The following OXA1L variants were observed in gnomAD, a reference collection of about 807,000 sequenced individuals.
OXA1L encodes the protein mitochondrial inner membrane protein OXA1L.
Under a neutral mutation model 52.2 loss-of-function variants are expected in OXA1L, and 42 were observed. That is an observed-to-expected ratio of 0.80 (90% CI 0.63 to 1.04). The LOEUF (loss-of-function observed/expected upper bound fraction) is 1.04, where lower values mean the gene tolerates loss of function less well. OXA1L is among the 50% of genes least tolerant of loss of function. OXA1L has a pLI of 0.00. For missense variants in OXA1L, 572 were observed against 555.0 expected (o/e 1.03, Z -0.31); for synonymous variants, 239 against 201.9 (o/e 1.18, Z -1.56).
Position 22,769,856 on chromosome 14 carries a change from A to G in OXA1L, c.505A>G (p.Ile169Val), listed in dbSNP as rs1474027022. ...GACGGGCCAGCGAGAGGCAGCCAGGATCCACAATCACTTGCCAGAGATCCA... is the reference window on the plus strand; with the variant it reads ...GACGGGCCAGCGAGAGGCAGCCAGGGTCCACAATCACTTGCCAGAGATCCA... Reference protein sequence around the residue: ...IVTGQREAARIHNHLPEIQKF... With the variant: ...IVTGQREAARVHNHLPEIQKF... The change falls in exon 4 of 10, where the codon ATC becomes GTC. Residue 169 changes from isoleucine to valine, a missense_variant. By Grantham distance (29) the Ile-to-Val change is conservative. This residue lies in a region of OXA1L where 132 missense variants were observed against 124.0 expected (regional missense o/e 1.06). Coordinates refer to ENST00000612549, the MANE Select transcript of OXA1L (RefSeq NM_005015.5). 2 of 1,614,172 alleles carry G rather than the reference A, an allele frequency of 1.2e-6. No individual in the cohort carries two copies. Among genetic ancestry groups the G allele is most frequent in the Admixed American group, 3.3e-5 (2 of 60,024 alleles).
chr14:22,770,790 C>T lies in OXA1L; in HGVS notation c.835-15C>T. On this transcript the variant is annotated splice_polypyrimidine_tract_variant and intron_variant, in intron 6 of 9. Transcript: ENST00000612549. Reference sequence around the variant, plus strand: ...GACAGCTTTCCCGACTTTTCCACCCCACTTCTTTTGGCAGCTAGGTGCTGA... The same window carrying T: ...GACAGCTTTCCCGACTTTTCCACCCTACTTCTTTTGGCAGCTAGGTGCTGA... 1 of 1,610,422 alleles carries T rather than the reference C, an allele frequency of 6.2e-7. No homozygotes were observed. Among genetic ancestry groups the T allele is most frequent in the Non-Finnish European group, 8.5e-7 (1 of 1,176,640 alleles).
chr14:22,769,909 C>A lies in OXA1L; in HGVS notation c.558C>A (p.Ala186=). ...AGTTTTCCAGTCGAATCAGAGAGGC[C>A]AAGTTAGCAGGAGACCATATTGAGT... ...IQKFSSRIRE[A]KLAGDHIEYY... The change falls in exon 4 of 10, where the codon GCC becomes GCA. Residue 186 remains alanine, a synonymous_variant. Transcript: ENST00000612549. The A allele has an allele frequency of 6.2e-7, 1 of 1,614,118 alleles. No individual in the cohort carries two copies. The highest frequency in any genetic ancestry group is 8.5e-7 in the Non-Finnish European group (1 of 1,180,022).
rs781313816 is a variant in OXA1L, at chr14:22,771,024, T to C, written c.946T>C (p.Phe316Leu). Residue 316 changes from phenylalanine to leucine, a missense_variant, in exon 8 of 10, where the codon TTT becomes CTT. Physicochemically the swap from Phe to Leu is conservative, Grantham distance 22 (BLOSUM62 0). Transcript: ENST00000612549. ...PITMHFPTAV[F>L]MYWLSSNLFS... is the part of the protein sequence containing the mutation. ...TCTCTGTGTTCTCACCCAGGCAGTGTTTATGTACTGGCTCTCCTCCAATTT... is the reference window on the plus strand; with the variant it reads ...TCTCTGTGTTCTCACCCAGGCAGTGCTTATGTACTGGCTCTCCTCCAATTT... 5.6e-6 allele frequency: 9 copies of C among 1,614,076 alleles called. No individual in the cohort carries two copies. The highest frequency in any genetic ancestry group is 7.6e-6 in the Non-Finnish European group (9 of 1,180,024).
In OXA1L at chr14:22,771,330, T is replaced by C; in HGVS notation, c.1165T>C (p.Leu389=). 1.9e-6 allele frequency: 3 copies of C among 1,614,186 alleles called. No homozygotes were observed. The highest frequency in any genetic ancestry group is 1.1e-5 in the South Asian group (1 of 91,088). ...REREQRMRNQ[L]ELAARGPLRQ... ...GCGTGAACAACGCATGCGGAATCAG[T>C]TGGAGCTAGCAGCCAGGGGTAAATA... The change falls in exon 9 of 10, where the codon TTG becomes CTG. Residue 389 remains leucine (L), a synonymous_variant. Transcript: ENST00000612549.
intron 6 of OXA1L, 57 bp downstream of exon 6, chr14:22,770,682 A>G (rs554525380): frequency 7.0e-6 from 11 of 1,577,526 alleles, no homozygotes; most frequent in Non-Finnish European, 8.7e-6. Flanking sequence ...TTGGAGGGTA[A>G]AGTAGTTGTA....
intron 3 of OXA1L, among the ~76,000 whole-genome samples, chr14:22,769,505 A>C (rs1295647813): frequency 1.3e-5 from 2 of 152,244 alleles, no homozygotes; most frequent in Non-Finnish European, 2.9e-5. Context: ...TGCCAGTAAC[A>C]TAATTGCTAA....
chr14:22,769,834 G>A lies in OXA1L; in HGVS notation c.483G>A (p.Thr161=), dbSNP rs753909757. Residue 161 remains threonine, a synonymous_variant, in exon 4 of 10, where the codon ACG becomes ACA. Coordinates refer to ENST00000612549, the MANE Select transcript of OXA1L (RefSeq NM_005015.5). Reference sequence around the variant, plus strand: ...GCCTGATTTTTCCTCTCATCGTGACGGGCCAGCGAGAGGCAGCCAGGATCC... The same window carrying A: ...GCCTGATTTTTCCTCTCATCGTGACAGGCCAGCGAGAGGCAGCCAGGATCC... ...ARCLIFPLIV[T]GQREAARIHN... is the part of the protein sequence containing the mutation. 33 of 1,613,980 alleles carry A rather than the reference G, an allele frequency of 2.0e-5. No individual in the cohort carries two copies. Among genetic ancestry groups the A allele is most frequent in the Non-Finnish European group, 2.5e-5 (30 of 1,180,038 alleles).
chr14:22,771,716 GT>G lies in OXA1L; in HGVS notation c.*161del, dbSNP rs2038468013. 1.4e-5 allele frequency: 8 copies of G among 588,976 alleles called. No homozygotes were observed. The highest frequency in any genetic ancestry group is 2.3e-5 in the Non-Finnish European group (8 of 343,962). The allele number at this position is 588,976 out of a possible 1,614,324, so 36.5% of individuals were successfully genotyped here. ...TTTCATGAAACACTCTTGTACTTAT[GT>G]TTATAAGAGAGCACTGGGTAGCCAA... On this transcript the variant is annotated 3_prime_UTR_variant, in exon 10 of 10. Transcript: ENST00000612549.
At chr14:22,770,775 C>G (rs1275528518) in intron 6 of OXA1L, 30 bp from the exon 7 acceptor site, 2 of 1,603,030 alleles carry the variant, frequency 1.2e-6, no homozygotes, top group Non-Finnish European at 1.7e-6. Context: ...GACAGCTTTC[C>G]CGACTTTTCC....
chr14:22,769,544 G>A (rs1356797701), intron 3 of OXA1L, among the ~76,000 whole-genome samples: 1 of 152,154 alleles, frequency 6.6e-6, no homozygotes, highest in Non-Finnish European at 1.5e-5. Context: ...TTTGTTTGAG[G>A]AAACAAACAG....
At chr14:22,766,955 C>T in intron 1 of OXA1L, 191 bp downstream of exon 1, 1 of 1,519,232 alleles carries the variant, frequency 6.6e-7, no homozygotes, top group Non-Finnish European at 8.8e-7. Context: ...CCGGTGTCAG[C>T]TTCTGGAATT....
chr14:22,771,616 A>G lies in OXA1L; in HGVS notation c.*58A>G. On this transcript the variant is annotated 3_prime_UTR_variant, in exon 10 of 10. Coordinates refer to ENST00000612549, the MANE Select transcript of OXA1L (RefSeq NM_005015.5). ...TGTCTCTTCAGAGACTCATCCTCAA[A>G]ACAAGACTTGACACTGTGTCCTTGC... The G allele has an allele frequency of 6.3e-7, 1 of 1,580,584 alleles. No individual in the cohort carries two copies. The highest frequency in any genetic ancestry group is 8.7e-7 in the Non-Finnish European group (1 of 1,150,572).
Position 22,771,138 on chromosome 14 carries a change from A to G in OXA1L, c.1060A>G (p.Lys354Glu). ...CCAGCGTGTTGTACATGACCTGGAC[A>G]AATTACCTCCACGGGAAGGCTTCCT... ...IPQRVVHDLD[K>E]LPPREGFLES... The change falls in exon 8 of 10, where the codon AAA (lysine) becomes GAA (glutamate). Residue 354 changes from lysine to glutamate, a missense_variant. Transcript: ENST00000612549. 6.2e-7 allele frequency: 1 copy of G among 1,614,162 alleles called. No homozygotes were observed. Among genetic ancestry groups the G allele is most frequent in the Non-Finnish European group, 8.5e-7 (1 of 1,180,016 alleles).
rs2038455541 is a variant in OXA1L, at chr14:22,771,109, T to TC, written c.1036dup (p.Gln346ProfsTer6). On this transcript the variant is annotated frameshift_variant, in exon 8 of 10. Transcript: ENST00000612549. LOFTEE classifies it high-confidence loss of function. Reference sequence around the variant, plus strand: ...CCAGCAGTACGCACTGTACTTAAAATCCCCCAGCGTGTTGTACATGACCTG... The same window carrying TC: ...CCAGCAGTACGCACTGTACTTAAAATCCCCCCAGCGTGTTGTACATGACCTG... 3.7e-6 allele frequency: 6 copies of TC among 1,613,746 alleles called. No homozygotes were observed. Among genetic ancestry groups the TC allele is most frequent in the Non-Finnish European group, 5.1e-6 (6 of 1,179,976 alleles).
chr14:22,769,153 A>G (rs1279871206), intron 3 of OXA1L, among the ~76,000 whole-genome samples: 1 of 150,900 alleles, frequency 6.6e-6, no homozygotes, highest in African/African-American at 2.5e-5. Context: ...TGTGCAATCA[A>G]TAGTAGATCT....
Position 22,769,943 on chromosome 14 carries a change from G to C in OXA1L, c.583+9G>C. 1.2e-6 allele frequency: 2 copies of C among 1,614,014 alleles called. No homozygotes were observed. Among genetic ancestry groups the C allele is most frequent in the South Asian group, 2.2e-5 (2 of 91,080 alleles). On this transcript the variant is annotated intron_variant, in intron 4 of 9. Transcript: ENST00000612549. ...AGGAGACCATATTGAGTGTGAGTCA[G>C]TTGCAGAATGAGCGTGGGAGAAGTC...
At position 22,772,111 on chromosome 14, in the gene OXA1L, CTG is replaced by C. The variant is rs67896381; in HGVS notation, c.*554_*555del. 49,395 of 150,456 alleles carry C rather than the reference CTG, an allele frequency of 0.33. 9,948 individuals are homozygous for C. Among genetic ancestry groups the C allele is most frequent in the East Asian group, 0.77 (3,906 of 5,066 alleles). 9.3% of individuals were successfully genotyped at this position (150,456 alleles called of 1,614,324 possible). A position where few individuals can be genotyped will look rare whatever the true frequency, so the allele number is the denominator to read the frequency against. On this transcript the variant is annotated 3_prime_UTR_variant, in exon 10 of 10. Transcript: ENST00000612549. ...AGACTGTCTCAAAAAAAAAAGAAAA[CTG>C]AAGAATAGAGTGAGTCATGATTGCT...
chr14:22,766,833 C>T lies in OXA1L; in HGVS notation c.63+69C>T, dbSNP rs556511104. 26 of 1,598,984 alleles carry T rather than the reference C, an allele frequency of 1.6e-5. No homozygotes were observed. In the African/African-American group the frequency reaches 1.7e-4, roughly 11 times the overall value. ...CAGTGAACCAGGCCCCAGGACAGCT[C>T]GTGCTAGGGGTATCAGCAGACGCTG... On this transcript the variant is annotated intron_variant, in intron 1 of 9. Transcript: ENST00000612549.
At position 22,772,492 on chromosome 14, in the gene OXA1L, A is replaced by AAAAAAAAC. The variant is rs1419802779; in HGVS notation, c.*941_*942insCAAAAAAA. Reference sequence around the variant, plus strand: ...CAAGAGAGTGAGACTCCTTCTCAAAAAAAAAAAAAAAAAAAAAAAAAAAAA... The same window carrying AAAAAAAAC: ...CAAGAGAGTGAGACTCCTTCTCAAAAAAAAAAACAAAAAAAAAAAAAAAAAAAAAAAAA... On this transcript the variant is annotated 3_prime_UTR_variant, in exon 10 of 10. Transcript: ENST00000612549. 4 of 22,068 alleles carry AAAAAAAAC rather than the reference A, an allele frequency of 1.8e-4. No individual in the cohort carries two copies. Among genetic ancestry groups the AAAAAAAAC allele is most frequent in the African/African-American group, 2.7e-4 (3 of 10,974 alleles). 1.4% of individuals were successfully genotyped at this position (22,068 alleles called of 1,614,324 possible).
Sources: allele counts gnomAD v4.1 joint callset (sites outside exome capture counted in the v4.1 genomes callset), GRCh38; gene constraint gnomAD v4.1.1; regional missense constraint gnomAD v4.1.1; transcripts MANE v1.5; gene names NCBI Gene and HGNC (gene_info 2026-07-23, HGNC 2026-07-21).